The following COL4A3 variants were observed in gnomAD, a reference collection of about 807,000 sequenced individuals.
COL4A3 encodes the protein collagen alpha-3(IV) chain.
In COL4A3, 135 loss-of-function variants were observed where a neutral mutation model predicts 217.4. That is an observed-to-expected ratio of 0.62 (90% CI 0.54 to 0.72). The LOEUF (loss-of-function observed/expected upper bound fraction) is 0.72. Among genes scored for constraint, COL4A3 ranks in the 30% least tolerant of loss-of-function variants. COL4A3 has a pLI of 0.00. For synonymous variants in COL4A3, 690 were observed against 736.3 expected, an observed-to-expected ratio of 0.94 and a Z score of 1.02; for missense variants, 1,868 against 2,119.9, an observed-to-expected ratio of 0.88 and a Z score of 2.33.
intron 27 of COL4A3, 45 bp from the exon 28 acceptor site, chr2:227,277,404 G>A: frequency 8.6e-7 from 1 of 1,160,836 alleles, no homozygotes; most frequent in South Asian, 1.3e-5. Flanking sequence ...ATAAGATGAA[G>A]GAAAGTTGCT....
chr2:227,222,499 G>C (rs2067864324), intron 1 of COL4A3: 1 of 152,158 alleles, frequency 6.6e-6, no homozygotes, highest in Non-Finnish European at 1.5e-5. Flanking sequence ...CCCCTCCTAG[G>C]AATGTAGAGA....
intron 1 of COL4A3, among the ~76,000 whole-genome samples, chr2:227,237,120 G>GT (rs2125881318): frequency 6.6e-6 from 1 of 152,226 alleles, no homozygotes; most frequent in East Asian, 1.9e-4. Flanking sequence ...GTAGGATAAG[G>GT]TATGTCTAAC....
At position 227,314,550 on chromosome 2, in the gene COL4A3, C is replaced by T. The variant is rs2073840856; in HGVS notation, c.*2680C>T. 6.6e-6 allele frequency: 1 copy of T among 152,510 alleles called. No homozygotes were observed. The highest frequency in any genetic ancestry group is 2.4e-5 in the African/African-American group (1 of 41,416). 9.4% of individuals were successfully genotyped at this position (152,510 alleles called of 1,614,324 possible). A position where few individuals can be genotyped will look rare whatever the true frequency, so the allele number is the denominator to read the frequency against. ...ACTTATTTATGAAAGTATTAAAATG[C>T]TTACATTTGAACTTGATGGCTAACT... On this transcript the variant is annotated 3_prime_UTR_variant, in exon 52 of 52. Transcript: ENST00000396578.
At chr2:227,281,298 A>G (rs2071949233) in intron 31 of COL4A3, among the ~76,000 whole-genome samples, 1 of 152,230 alleles carries the variant, frequency 6.6e-6, no homozygotes, top group African/African-American at 2.4e-5. Context: ...ATATATTTAT[A>G]TACATATTAA....
intron 1 of COL4A3, among the ~76,000 whole-genome samples, chr2:227,184,487 T>C (rs1002040982): frequency 3.9e-5 from 6 of 152,224 alleles, no homozygotes; most frequent in Non-Finnish European, 7.3e-5. Flanking sequence ...GCCTTGCTCA[T>C]TGATGCCCCT....
chr2:227,296,935 A>G (rs1005527996), intron 41 of COL4A3, among the ~76,000 whole-genome samples: 3 of 152,316 alleles, frequency 2.0e-5, no homozygotes, highest in Admixed American at 2.0e-4. Context: ...CAGAGATGGG[A>G]GAGCAGAGGG....
At chr2:227,306,506 G>A (rs1277841653) in intron 47 of COL4A3, among the ~76,000 whole-genome samples, 2 of 152,128 alleles carry the variant, frequency 1.3e-5, no homozygotes, top group Non-Finnish European at 2.9e-5. Flanking sequence ...AGAGAAAAAT[G>A]TGTCTCCCCA....
intron 1 of COL4A3, among the ~76,000 whole-genome samples, chr2:227,233,688 A>C (rs1404751954): frequency 6.6e-6 from 1 of 152,250 alleles, no homozygotes; most frequent in Non-Finnish European, 1.5e-5. Flanking sequence ...AAAAAGAAAA[A>C]ATCAAGAACT....
At chr2:227,222,189 T>C (rs1036440719) in intron 1 of COL4A3, among the ~76,000 whole-genome samples, 4 of 149,348 alleles carry the variant, frequency 2.7e-5, no homozygotes, top group East Asian at 2.0e-4. Flanking sequence ...AAAAGCTCCT[T>C]AAGCACCCTT....
intron 1 of COL4A3, among the ~76,000 whole-genome samples, chr2:227,176,144 T>A (rs2065666699): frequency 6.6e-6 from 1 of 152,340 alleles, no homozygotes; most frequent in East Asian, 1.9e-4. Context: ...TAGATCAACA[T>A]GGCAATTGCT....
chr2:227,220,839 T>G (rs1170010489), intron 1 of COL4A3, among the ~76,000 whole-genome samples: 1 of 152,228 alleles, frequency 6.6e-6, no homozygotes. Context: ...ATTGATAATG[T>G]GCTATTTCTG....
intron 1 of COL4A3, among the ~76,000 whole-genome samples, chr2:227,222,929 C>A (rs1431273040): frequency 6.6e-6 from 1 of 152,194 alleles, no homozygotes; most frequent in Non-Finnish European, 1.5e-5. Flanking sequence ...GCACTGATGG[C>A]CAGGTCTAAA....
At chr2:227,221,811 T>C (rs1213397137) in intron 1 of COL4A3, among the ~76,000 whole-genome samples, 1 of 152,140 alleles carries the variant, frequency 6.6e-6, no homozygotes, top group Non-Finnish European at 1.5e-5. Context: ...TAATAAATGT[T>C]TTTTGAATGA....
intron 18 of COL4A3, chr2:227,259,203 G>T (rs1033164605): frequency 1.3e-5 from 2 of 152,112 alleles, no homozygotes; most frequent in African/African-American, 4.8e-5. Flanking sequence ...ACTTAGGAAG[G>T]AAATGGTTAA....
intron 1 of COL4A3, among the ~76,000 whole-genome samples, chr2:227,182,824 A>C (rs1419681392): frequency 6.6e-6 from 1 of 152,224 alleles, no homozygotes; most frequent in African/African-American, 2.4e-5. Context: ...GAGCTATCAC[A>C]CATATATCCA....
chr2:227,269,826 C>G (rs1370654239), intron 23 of COL4A3, 84 bp from the exon 24 acceptor site: 3 of 1,157,772 alleles, frequency 2.6e-6, no homozygotes, highest in African/African-American at 1.5e-5. Flanking sequence ...AGGAAACACT[C>G]TATTTTCTTC....
intron 50 of COL4A3, among the ~76,000 whole-genome samples, chr2:227,309,759 G>A (rs1234767979): frequency 6.6e-6 from 1 of 151,970 alleles, no homozygotes; most frequent in East Asian, 1.9e-4. Flanking sequence ...GTGCTACCAT[G>A]CCCAGCTAAT....
intron 17 of COL4A3, chr2:227,256,603 T>C: frequency 1.4e-6 from 1 of 738,210 alleles, no homozygotes; most frequent in South Asian, 1.4e-5. Context: ...ATTAAACTTG[T>C]ACTGTGTACT....
intron 1 of COL4A3, among the ~76,000 whole-genome samples, chr2:227,198,322 C>T (rs117420434): frequency 0.049 from 7,444 of 152,210 alleles, 318 homozygotes; most frequent in Middle Eastern, 0.065. Context: ...CCATCAGAGT[C>T]TGATTAGAAC....
Sources: allele counts gnomAD v4.1 joint callset (sites outside exome capture counted in the v4.1 genomes callset), GRCh38; gene constraint gnomAD v4.1.1; transcripts MANE v1.5; gene names NCBI Gene and HGNC (gene_info 2026-07-23, HGNC 2026-07-21).